RUNDC3B: variants seen among roughly 807,000 people sequenced by gnomAD.
RUNDC3B encodes RUN domain containing 3B, also known as RUN domain-containing protein 3B.
Under a neutral mutation model 58.4 loss-of-function variants are expected in RUNDC3B, and 33 were observed. That is an observed-to-expected ratio of 0.56 (90% CI 0.43 to 0.75). The LOEUF (loss-of-function observed/expected upper bound fraction) is 0.75. Ranked by LOEUF, RUNDC3B falls within the 30% of genes least tolerant of loss-of-function variation. RUNDC3B has a pLI of 0.00. For missense variants in RUNDC3B, 501 were observed against 535.7 expected (o/e 0.94, Z 0.64); for synonymous variants, 193 against 195.2 (o/e 0.99, Z 0.10).
intron 2 of RUNDC3B, among the ~76,000 whole-genome samples, chr7:87,693,455 A>G (rs1289266442): frequency 1.3e-5 from 2 of 152,176 alleles, no homozygotes; most frequent in Non-Finnish European, 1.5e-5. Context: ...ATGTGTATTT[A>G]TTTTTAAACT....
At chr7:87,677,337 A>T (rs888187709) in intron 2 of RUNDC3B, among the ~76,000 whole-genome samples, 11 of 135,916 alleles carry the variant, frequency 8.1e-5, no homozygotes, top group African/African-American at 2.6e-4. Flanking sequence ...TTCAGATTTA[A>T]AAAAAAAAAA....
chr7:87,629,155 G>T (rs1820943410), intron 1 of RUNDC3B: 2 of 415,204 alleles, frequency 4.8e-6, no homozygotes, highest in South Asian at 1.4e-4. Context: ...GTCAGTTCCA[G>T]TGCTGAAGGT....
chr7:87,800,653 C>CTTTT (rs571588791), intron 8 of RUNDC3B, among the ~76,000 whole-genome samples: 2 of 137,606 alleles, frequency 1.5e-5, no homozygotes, highest in Non-Finnish European at 3.2e-5. Context: ...CTTTTCTTTT[C>CTTTT]TTTTTTTTTT....
chr7:87,714,375 A>C (rs1232754689), intron 4 of RUNDC3B, among the ~76,000 whole-genome samples: 1 of 152,154 alleles, frequency 6.6e-6, no homozygotes, highest in African/African-American at 2.4e-5. Context: ...TGAGGGATTT[A>C]GGGTCATTTG....
intron 3 of RUNDC3B, among the ~76,000 whole-genome samples, chr7:87,700,867 C>G (rs185679469): frequency 4.6e-5 from 7 of 152,286 alleles, no homozygotes; most frequent in African/African-American, 1.7e-4. Context: ...AATGCAGACA[C>G]AATGGTGGAT....
At chr7:87,720,540 A>ATATG (rs1554475928) in intron 4 of RUNDC3B, among the ~76,000 whole-genome samples, 2 of 100,770 alleles carry the variant, frequency 2.0e-5, no homozygotes, top group African/African-American at 3.5e-5. Flanking sequence ...AAGATAGGAT[A>ATATG]TATGTGTGTG....
intron 2 of RUNDC3B, among the ~76,000 whole-genome samples, chr7:87,679,669 T>G (rs1037444207): frequency 6.7e-6 from 1 of 150,306 alleles, no homozygotes; most frequent in South Asian, 2.1e-4. Context: ...AGATTACAAG[T>G]GTGAACCACT....
chr7:87,681,795 G>C (rs1826956079), intron 2 of RUNDC3B, among the ~76,000 whole-genome samples: 1 of 152,148 alleles, frequency 6.6e-6, no homozygotes, highest in Non-Finnish European at 1.5e-5. Flanking sequence ...AGGATCACTT[G>C]AGTTCCAGAC....
intron 2 of RUNDC3B, among the ~76,000 whole-genome samples, chr7:87,668,895 T>C (rs958649742): frequency 3.3e-5 from 5 of 152,114 alleles, no homozygotes; most frequent in African/African-American, 1.2e-4. Context: ...TTTATTCCAA[T>C]TATTTGGTCA....
intron 1 of RUNDC3B, among the ~76,000 whole-genome samples, chr7:87,642,349 T>C (rs928074065): frequency 1.8e-4 from 27 of 152,042 alleles, no homozygotes; most frequent in African/African-American, 6.5e-4. Flanking sequence ...CTTCACGTTG[T>C]TCTATTGCTG....
At chr7:87,821,494 C>T (rs1837433054) in intron 10 of RUNDC3B, among the ~76,000 whole-genome samples, 1 of 152,166 alleles carries the variant, frequency 6.6e-6, no homozygotes, top group South Asian at 2.1e-4. Context: ...CAATGCCACC[C>T]CCATCAAGCT....
At chr7:87,660,625 A>G (rs943377984) in intron 2 of RUNDC3B, among the ~76,000 whole-genome samples, 2 of 151,594 alleles carry the variant, frequency 1.3e-5, no homozygotes, top group Non-Finnish European at 2.9e-5. Context: ...CTGATCATTT[A>G]TGTATATTAA....
At chr7:87,800,641 ATCTTT>A (rs1836094916) in intron 8 of RUNDC3B, among the ~76,000 whole-genome samples, 1 of 149,176 alleles carries the variant, frequency 6.7e-6, no homozygotes, top group African/African-American at 2.5e-5. Context: ...TTCTCCACTC[ATCTTT>A]TCTTTTCTTT....
chr7:87,761,573 G>T (rs940806009), intron 6 of RUNDC3B, among the ~76,000 whole-genome samples: 1 of 151,870 alleles, frequency 6.6e-6, no homozygotes, highest in Non-Finnish European at 1.5e-5. Context: ...CAATGCAAGT[G>T]TTCACCAGTT....
chr7:87,699,257 A>G, intron 2 of RUNDC3B, among the ~76,000 whole-genome samples: 1 of 152,206 alleles, frequency 6.6e-6, no homozygotes, highest in East Asian at 1.9e-4. Flanking sequence ...ATATGAAAGC[A>G]AATCTTTCTA....
At chr7:87,783,454 C>T (rs1315599257) in intron 8 of RUNDC3B, among the ~76,000 whole-genome samples, 1 of 152,044 alleles carries the variant, frequency 6.6e-6, no homozygotes, top group Non-Finnish European at 1.5e-5. Context: ...TTCTATTAGC[C>T]ACCTTGCCTC....
rs1026544298 is a variant in RUNDC3B, at chr7:87,650,933, A to G, written c.234A>G (p.Leu78=). The G allele has an allele frequency of 6.4e-7, 1 of 1,555,338 alleles. No homozygotes were observed. The highest frequency in any genetic ancestry group is 8.9e-7 in the Non-Finnish European group (1 of 1,127,080). Reference sequence around the variant, plus strand: ...TGGAACAGATTTTAAGCCACCGGCTAAAAGGTAAAAGCACTAATGTACTAT... The same window carrying G: ...TGGAACAGATTTTAAGCCACCGGCTGAAAGGTAAAAGCACTAATGTACTAT... The part of the protein sequence containing the change: ...AILEQILSHR[L]KGQVTWFGYE... The change falls in exon 2 of 11, where the codon CTA becomes CTG. Residue 78 remains leucine (L), a synonymous_variant. Coordinates refer to ENST00000394654, the MANE Select transcript of RUNDC3B (RefSeq NM_001134405.2).
At chr7:87,714,424 C>A (rs970781518) in intron 4 of RUNDC3B, among the ~76,000 whole-genome samples, 14 of 152,078 alleles carry the variant, frequency 9.2e-5, no homozygotes, top group Non-Finnish European at 1.8e-4. Context: ...TGAAGTAATT[C>A]TTTAACATAA....
At chr7:87,792,280 C>T (rs1835566605) in intron 8 of RUNDC3B, among the ~76,000 whole-genome samples, 1 of 151,930 alleles carries the variant, frequency 6.6e-6, no homozygotes, top group Non-Finnish European at 1.5e-5. Flanking sequence ...ACTTTAACAC[C>T]CCACCTTCAG....
Sources: allele counts gnomAD v4.1 joint callset (sites outside exome capture counted in the v4.1 genomes callset), GRCh38; gene constraint gnomAD v4.1.1; transcripts MANE v1.5; gene names NCBI Gene and HGNC (gene_info 2026-07-23, HGNC 2026-07-21).